The following MAP2K7 variants were observed in gnomAD, a reference collection of about 807,000 sequenced individuals.
The protein encoded by MAP2K7 is mitogen-activated protein kinase kinase 7.
In MAP2K7, 12 loss-of-function variants were observed where a neutral mutation model predicts 47.7. That is an observed-to-expected ratio of 0.25 (90% CI 0.16 to 0.41). MAP2K7 has a LOEUF of 0.41. Ranked by LOEUF, MAP2K7 falls within the 10% of genes least tolerant of loss-of-function variation. MAP2K7 has a pLI of 1.00. For synonymous variants in MAP2K7, 299 were observed against 243.0 expected, an observed-to-expected ratio of 1.23 and a Z score of -2.14; for missense variants, 415 against 600.3, an observed-to-expected ratio of 0.69 and a Z score of 3.23.
chr19:7,907,863 C>T lies in MAP2K7; in HGVS notation c.125-1892C>T, dbSNP rs1194217884. Among the ~76,000 whole-genome samples the T allele has an allele frequency of 4.0e-5, 6 of 151,418 alleles. No individual in the cohort carries two copies. The East Asian group carries it at 9.8e-4, about 25-fold the overall frequency. The stretch of plus-strand genomic sequence containing the variant: ...ATGCCAGGTGCACAGGGGTTGGGGG[C>T]TGGGTTGGGGGGAGCACAGGCCCTC... On this transcript the variant is annotated intron_variant, in intron 1 of 10. Coordinates refer to ENST00000397979, the MANE Select transcript of MAP2K7 (RefSeq NM_145185.4).
At chr19:7,904,289 T>A (rs1485591432) in intron 1 of MAP2K7, among the ~76,000 whole-genome samples, 1 of 152,068 alleles carries the variant, frequency 6.6e-6, no homozygotes, top group Non-Finnish European at 1.5e-5. Flanking sequence ...GGGAGCCCAG[T>A]TCCCGGACCC....
At chr19:7,905,781 G>GT (rs781200699) in intron 1 of MAP2K7, 5 of 1,583,070 alleles carry the variant, frequency 3.2e-6, no homozygotes, top group Admixed American at 1.7e-5. Context: ...TCGTGGTGTT[G>GT]TTTTTTTCTT....
intron 1 of MAP2K7, among the ~76,000 whole-genome samples, chr19:7,904,980 TC>T (rs1351740560): frequency 2.0e-5 from 3 of 151,560 alleles, no homozygotes; most frequent in Non-Finnish European, 4.4e-5. Flanking sequence ...GGTACCTACC[TC>T]CCTGACACCT....
chr19:7,907,473 T>C (rs1568275583), intron 1 of MAP2K7, among the ~76,000 whole-genome samples: 1 of 152,330 alleles, frequency 6.6e-6, no homozygotes, highest in South Asian at 2.1e-4. Context: ...GGCAGACACG[T>C]GCCCTCCAGC....
rs561950700 is a variant in MAP2K7, at chr19:7,912,557, A to G, written c.*126A>G. The G allele has an allele frequency of 4.2e-6, 5 of 1,180,514 alleles. No homozygotes were observed. The South Asian group carries it at 4.8e-5, about 11-fold the overall frequency. The allele number at this position is 1,180,514 out of a possible 1,614,324, so 73.1% of individuals were successfully genotyped here. On this transcript the variant is annotated 3_prime_UTR_variant, in exon 11 of 11. Transcript: ENST00000397979. ...TGGACGGCCACCTAGGACTGAGGAC[A>G]GAGAGTGGGGGGTGCCCACCCACCC...
rs200061322 is a variant in MAP2K7 at position 7,911,241 on chromosome 19, C to G, written c.856-9C>G. On this transcript the variant is annotated splice_polypyrimidine_tract_variant and intron_variant, in intron 7 of 10. Coordinates refer to ENST00000397979, the MANE Select transcript of MAP2K7 (RefSeq NM_145185.4). ...CTTGGAGATACGTCTTCTCCTCCCC[C>G]CCCTGCAGCCCGAGCGCATTGACCC... 1.9e-4 allele frequency: 312 copies of G among 1,609,980 alleles called. No individual in the cohort carries two copies. The highest frequency in any genetic ancestry group is 2.9e-4 in the South Asian group (26 of 90,996).
At chr19:7,907,870 G>C (rs1419612879) in intron 1 of MAP2K7, among the ~76,000 whole-genome samples, 1 of 152,180 alleles carries the variant, frequency 6.6e-6, no homozygotes, top group African/African-American at 2.4e-5. Context: ...GGGCTGGGTT[G>C]GGGGGAGCAC....
In MAP2K7 at chr19:7,912,817, CG is replaced by C. The variant is rs972741753; in HGVS notation, c.*387del. On this transcript the variant is annotated 3_prime_UTR_variant, in exon 11 of 11. Transcript: ENST00000397979. ...GTGTCCTTCGCCACTCCCACGCGCC[CG>C]TTCCTCTTCCGTCGCCCTCTGTCCC... 1.2e-5 allele frequency: 3 copies of C among 243,522 alleles called. No homozygotes were observed. The highest frequency in any genetic ancestry group is 6.9e-5 in the African/African-American group (3 of 43,710). The allele number at this position is 243,522 out of a possible 1,614,324, so 15.1% of individuals were successfully genotyped here.
Position 7,911,252 on chromosome 19 carries a change from C to G in MAP2K7, c.858C>G (p.Pro286=), listed in dbSNP as rs757758116. 1.2e-6 allele frequency: 2 copies of G among 1,612,336 alleles called. No individual in the cohort carries two copies. The highest frequency in any genetic ancestry group is 1.7e-6 in the Non-Finnish European group (2 of 1,179,404). ...GTCTTCTCCTCCCCCCCCTGCAGCC[C>G]GAGCGCATTGACCCCCCAGACCCCA... is the stretch of plus-strand genomic sequence containing the variant. ...RSAGCAAYMA[P]ERIDPPDPTK... is the part of the protein sequence containing the mutation. Residue 286 remains proline (P), a splice_region_variant and synonymous_variant, in exon 8 of 11, where the codon CCC becomes CCG. Coordinates refer to ENST00000397979, the MANE Select transcript of MAP2K7 (RefSeq NM_145185.4).
intron 1 of MAP2K7, chr19:7,906,700 C>G (rs1346275750): frequency 2.0e-5 from 3 of 152,196 alleles, no homozygotes; most frequent in African/African-American, 7.2e-5. Flanking sequence ...GCCTGGCCAA[C>G]ATGGTGAAAC....
At chr19:7,912,223 T>A in intron 10 of MAP2K7, 29 bp downstream of exon 10, 1 of 1,613,772 alleles carries the variant, frequency 6.2e-7, no homozygotes, top group Non-Finnish European at 8.5e-7. Context: ...CCAGTCCCCG[T>A]CCTGTCCCTG....
chr19:7,911,385 T>C, intron 8 of MAP2K7, 51 bp from the exon 9 acceptor site: 2 of 1,613,310 alleles, frequency 1.2e-6, no homozygotes, highest in Non-Finnish European at 1.7e-6. Context: ...TCTGGGGGAC[T>C]CGGAGGGAGG....
Position 7,910,393 on chromosome 19 carries a change from C to G in MAP2K7, c.447+20C>G, listed in dbSNP as rs781180446. 6 of 1,606,440 alleles carry G rather than the reference C, an allele frequency of 3.7e-6. No homozygotes were observed. Among genetic ancestry groups the G allele is most frequent in the Admixed American group, 1.7e-5 (1 of 59,196 alleles). On this transcript the variant is annotated intron_variant, in intron 4 of 10. Transcript: ENST00000397979. ...GTTAAGGTGAGCCTTGGCGGCTACC[C>G]CGGCTGCGCCCCACACCCCAGGCCG...
Position 7,912,555 on chromosome 19 carries a change from A to G in MAP2K7, c.*124A>G. ...CCTGGACGGCCACCTAGGACTGAGG[A>G]CAGAGAGTGGGGGGTGCCCACCCAC... On this transcript the variant is annotated 3_prime_UTR_variant, in exon 11 of 11. Coordinates refer to ENST00000397979, the MANE Select transcript of MAP2K7 (RefSeq NM_145185.4). 8.4e-7 allele frequency: 1 copy of G among 1,196,118 alleles called. No individual in the cohort carries two copies. The highest frequency in any genetic ancestry group is 1.6e-5 in the South Asian group (1 of 62,960). 74.1% of individuals were successfully genotyped at this position (1,196,118 alleles called of 1,614,324 possible). A position where few individuals can be genotyped will look rare whatever the true frequency, so the allele number is the denominator to read the frequency against.
intron 7 of MAP2K7, 36 bp from the exon 8 acceptor site, chr19:7,911,214 G>A: frequency 6.2e-7 from 1 of 1,609,522 alleles, no homozygotes; most frequent in Non-Finnish European, 8.5e-7. Flanking sequence ...GCCGGCCCCA[G>A]CCTTGGAGAT....
In MAP2K7 at chr19:7,906,060, C is replaced by T. The variant is rs574913227; in HGVS notation, c.124+1992C>T. On this transcript the variant is annotated intron_variant, in intron 1 of 10. Coordinates refer to ENST00000397979, the MANE Select transcript of MAP2K7 (RefSeq NM_145185.4). ...TGCGTCCTCCCTCCTCCTCCCCCTC[C>T]CTTACTCCCAGCTCCACTTTGGACT... 22 of 605,258 alleles carry T rather than the reference C, an allele frequency of 3.6e-5. No homozygotes were observed. The East Asian group carries it at 5.7e-4, about 16-fold the overall frequency. 37.5% of individuals were successfully genotyped at this position (605,258 alleles called of 1,614,324 possible).
In MAP2K7 at chr19:7,912,203, C is replaced by T. The variant is rs762700885; in HGVS notation, c.1125+9C>T. ...AGTATAATAAGCTACTTGTGAGTAC[C>T]TGAGCCCTCCCAGTCCCCGTCCTGT... On this transcript the variant is annotated intron_variant, in intron 10 of 10. Transcript: ENST00000397979. The T allele has an allele frequency of 1.1e-4, 180 of 1,613,830 alleles. 2 individuals are homozygous for T. The East Asian group carries it at 3.9e-3, about 35-fold the overall frequency.
At position 7,905,727 on chromosome 19, in the gene MAP2K7, ATTTCT is replaced by A. The variant is rs1982403016; in HGVS notation, c.124+1668_124+1672del. On this transcript the variant is annotated intron_variant, in intron 1 of 10. Coordinates refer to ENST00000397979, the MANE Select transcript of MAP2K7 (RefSeq NM_145185.4). Reference sequence around the variant, plus strand: ...CCCCCTCCTCCTCGTTTATGATTTGATTTCTTTTCTTTTGGACGAATCAGTCGTTT... The same window carrying A: ...CCCCCTCCTCCTCGTTTATGATTTGATTTCTTTTGGACGAATCAGTCGTTT... The A allele has an allele frequency of 8.8e-6, 11 of 1,250,698 alleles. No individual in the cohort carries two copies. In the South Asian group the frequency reaches 1.3e-4, roughly 15 times the overall value. The allele number at this position is 1,250,698 out of a possible 1,614,324, so 77.5% of individuals were successfully genotyped here.
rs746748489 is a variant in MAP2K7, at chr19:7,910,052, C to T, written c.267-11C>T. The T allele has an allele frequency of 6.3e-6, 10 of 1,595,056 alleles. No homozygotes were observed. The highest frequency in any genetic ancestry group is 4.5e-5 in the East Asian group (2 of 44,412). ...GACCCACCTCCACCGGCACCTGCTC[C>T]ATGTCCCCAGCATTGAGATTGACCA... On this transcript the variant is annotated splice_polypyrimidine_tract_variant and intron_variant, in intron 2 of 10. Coordinates refer to ENST00000397979, the MANE Select transcript of MAP2K7 (RefSeq NM_145185.4).
Sources: allele counts gnomAD v4.1 joint callset (sites outside exome capture counted in the v4.1 genomes callset), GRCh38; gene constraint gnomAD v4.1.1; transcripts MANE v1.5; gene names NCBI Gene and HGNC (gene_info 2026-07-23, HGNC 2026-07-21).